Variants in CDT1 observed in about 807,000 individuals in gnomAD.
CDT1 encodes chromatin licensing and DNA replication factor 1.
CDT1 carries 66 observed loss-of-function variants against 49.3 expected under a neutral mutation model. The observed-to-expected ratio is 1.34, with a 90% CI of 1.10 to 1.64. The LOEUF (loss-of-function observed/expected upper bound fraction) is 1.64. CDT1 is among the 40% of genes most tolerant of loss of function. The pLI is 0.00. For missense variants in CDT1, 958 were observed against 807.7 expected (o/e 1.19, Z -2.26); for synonymous variants, 424 against 347.4 (o/e 1.22, Z -2.45).
At position 88,808,462 on chromosome 16, in the gene CDT1, T is replaced by A; in HGVS notation, c.*184T>A. The A allele has an allele frequency of 1.6e-6, 1 of 644,534 alleles. No individual in the cohort carries two copies. Among genetic ancestry groups the A allele is most frequent in the Non-Finnish European group, 2.6e-6 (1 of 378,280 alleles). 39.9% of individuals were successfully genotyped at this position (644,534 alleles called of 1,614,324 possible). A position where few individuals can be genotyped will look rare whatever the true frequency, so the allele number is the denominator to read the frequency against. Reference sequence around the variant, plus strand: ...TCTCTGGCTGCGGGCGGTGGGCCCCTTCATGGGGCTCACCTGGTGGATTCA... The same window carrying A: ...TCTCTGGCTGCGGGCGGTGGGCCCCATCATGGGGCTCACCTGGTGGATTCA... On this transcript the variant is annotated 3_prime_UTR_variant, in exon 10 of 10. Transcript: ENST00000301019.
rs555260168 is a variant in CDT1, at chr16:88,807,306, A to C, written c.1301A>C (p.Gln434Pro). The change falls in exon 9 of 10, where the codon CAG becomes CCG. Residue 434 changes from glutamine (Q) to proline (P), a missense_variant. Gln to Pro is a moderately conservative substitution (Grantham distance 76). Transcript: ENST00000301019. Reference protein sequence around the residue: ...ERIRAKEAQKQLAQMTRCPEQ... With the variant: ...ERIRAKEAQKPLAQMTRCPEQ... ...ATCCGAGCCAAGGAGGCACAGAAGCAGCTGGCACAGATGACGCGGTGCCCG... is the reference window on the plus strand; with the variant it reads ...ATCCGAGCCAAGGAGGCACAGAAGCCGCTGGCACAGATGACGCGGTGCCCG... 132 of 1,612,486 alleles carry C rather than the reference A, an allele frequency of 8.2e-5. No homozygotes were observed. The South Asian group carries it at 1.4e-3, about 17-fold the overall frequency.
rs77893539 is a variant in CDT1, at chr16:88,808,218, G to C, written c.1581G>C (p.Ala527=). The C allele has an allele frequency of 6.2e-7, 1 of 1,610,676 alleles. No homozygotes were observed. The highest frequency in any genetic ancestry group is 2.2e-5 in the East Asian group (1 of 44,840). Residue 527 remains alanine, a synonymous_variant, in exon 10 of 10, where the codon GCG becomes GCC. Coordinates refer to ENST00000301019, the MANE Select transcript of CDT1 (RefSeq NM_030928.4). ...CCTACGTCAAGCTGGACAAGGCCGC[G>C]GACCTCGCCCACATCACTGCACGCC... ...TDTYVKLDKA[A]DLAHITARLA...
At position 88,807,318 on chromosome 16, in the gene CDT1, T is replaced by C. The variant is rs1011702939; in HGVS notation, c.1313T>C (p.Met438Thr). The C allele has an allele frequency of 5.6e-6, 9 of 1,612,430 alleles. No homozygotes were observed. The highest frequency in any genetic ancestry group is 1.1e-5 in the South Asian group (1 of 91,092). The stretch of plus-strand genomic sequence containing the variant: ...GAGGCACAGAAGCAGCTGGCACAGA[T>C]GACGCGGTGCCCGGAGCAGGAGCAG... ...AKEAQKQLAQMTRCPEQEQRL... is the reference protein window; with the variant it reads ...AKEAQKQLAQTTRCPEQEQRL... Residue 438 changes from methionine to threonine, a missense_variant, in exon 9 of 10, where the codon ATG (methionine) becomes ACG (threonine). Physicochemically the swap from Met to Thr is moderately conservative, Grantham distance 81. Transcript: ENST00000301019.
At position 88,804,609 on chromosome 16, in the gene CDT1, TAAAG is replaced by T. The variant is rs1908775962; in HGVS notation, c.297_300del (p.Lys99AsnfsTer12). 5 of 1,612,602 alleles carry T rather than the reference TAAAG, an allele frequency of 3.1e-6. No individual in the cohort carries two copies. The highest frequency in any genetic ancestry group is 2.2e-5 in the South Asian group (2 of 91,082). ...GCCTGCCCTTCTCCGGGCCAGAAGA[TAAAG>T]AAATCCACCCCGGCAGCAGGTCAGC... On this transcript the variant is annotated frameshift_variant, in exon 2 of 10. Coordinates refer to ENST00000301019, the MANE Select transcript of CDT1 (RefSeq NM_030928.4). LOFTEE classifies it high-confidence loss of function.
chr16:88,804,709 GTGCCGGCCTGCCTGCC>G, intron 2 of CDT1, 37 bp from the exon 3 acceptor site: 7 of 1,612,190 alleles, frequency 4.3e-6, no homozygotes, highest in Non-Finnish European at 5.1e-6. Flanking sequence ...GGGCTGAGTG[GTGCCGGCCTGCCTGCC>G]TGCCTGACGG....
chr16:88,804,983 G>C, intron 3 of CDT1, 85 bp downstream of exon 3: 1 of 1,493,984 alleles, frequency 6.7e-7, no homozygotes, highest in Non-Finnish European at 8.9e-7. Context: ...CAGAGGCCCA[G>C]GTCTGCTCCT....
rs139052420 is a variant in CDT1, at chr16:88,807,353, C to T, written c.1348C>T (p.Arg450Cys). ...RCPEQEQRLQ[R>C]LERLPELARV... The stretch of plus-strand genomic sequence containing the variant: ...CCCGGAGCAGGAGCAGCGGCTGCAG[C>T]GCTTAGAACGGCTGCCTGAGCTGGC... The change falls in exon 9 of 10, where the codon CGC (arginine) becomes TGC (cysteine). Residue 450 changes from arginine (R) to cysteine (C), a missense_variant. Physicochemically the swap from Arg to Cys is radical, Grantham distance 180 (BLOSUM62 -3). Transcript: ENST00000301019. 1.8e-4 allele frequency: 289 copies of T among 1,612,508 alleles called. No homozygotes were observed. The highest frequency in any genetic ancestry group is 5.5e-4 in the South Asian group (50 of 91,084).
intron 3 of CDT1, among the ~76,000 whole-genome samples, chr16:88,805,118 C>G (rs1348656846): frequency 6.6e-6 from 1 of 152,250 alleles, no homozygotes; most frequent in Admixed American, 6.5e-5. Context: ...CTCGGGGACT[C>G]TGGCAGGTTT....
Position 88,803,965 on chromosome 16 carries a change from G to C in CDT1, c.134G>C (p.Ser45Thr), listed in dbSNP as rs1349999626. ...CTCCGCGCCCCGGCCTCCGCTACCAGTGGCAGCCGCAAGCGCGCCCGCCCG... is the reference window on the plus strand; with the variant it reads ...CTCCGCGCCCCGGCCTCCGCTACCACTGGCAGCCGCAAGCGCGCCCGCCCG... Reference protein sequence around the residue: ...PALRAPASATSGSRKRARPPA... With the variant: ...PALRAPASATTGSRKRARPPA... The change falls in exon 1 of 10, where the codon AGT becomes ACT. Residue 45 changes from serine to threonine, a missense_variant. Ser to Thr is a moderately conservative substitution (Grantham distance 58). Coordinates refer to ENST00000301019, the MANE Select transcript of CDT1 (RefSeq NM_030928.4). 2 of 1,432,360 alleles carry C rather than the reference G, an allele frequency of 1.4e-6. No homozygotes were observed. The highest frequency in any genetic ancestry group is 3.1e-5 in the East Asian group (1 of 32,274). 88.7% of individuals were successfully genotyped at this position (1,432,360 alleles called of 1,614,324 possible).
In CDT1 at chr16:88,805,141, A is replaced by G. The variant is rs562626242; in HGVS notation, c.488+243A>G. Among the ~76,000 whole-genome samples the G allele has an allele frequency of 1.4e-4, 22 of 152,300 alleles. No individual in the cohort carries two copies. The East Asian group carries it at 3.7e-3, about 25-fold the overall frequency. ...CTCTGGCAGGTTTCAAATGCTCCTG[A>G]TGCATTGGTGTGTTGTCTGCCTCTG... is the stretch of plus-strand genomic sequence containing the variant. On this transcript the variant is annotated intron_variant, in intron 3 of 9. Coordinates refer to ENST00000301019, the MANE Select transcript of CDT1 (RefSeq NM_030928.4).
At position 88,806,638 on chromosome 16, in the gene CDT1, G is replaced by T; in HGVS notation, c.1086G>T (p.Glu362Asp). 4.3e-6 allele frequency: 7 copies of T among 1,611,356 alleles called. No individual in the cohort carries two copies. Among genetic ancestry groups the T allele is most frequent in the South Asian group, 1.1e-5 (1 of 90,880 alleles). Residue 362 changes from glutamate (E) to aspartate (D), a missense_variant, in exon 7 of 10, where the codon GAG becomes GAT. Physicochemically the swap from Glu to Asp is conservative, Grantham distance 45. Transcript: ENST00000301019. ...CGGAGAAGCTCACCACTGCTCAGGA[G>T]GTGCTGGCCCGGGCCCGCAACCTGA... The part of the protein sequence containing the change: ...PATEKLTTAQ[E>D]VLARARNLIS...
At chr16:88,805,385 G>T in intron 3 of CDT1, 55 bp from the exon 4 acceptor site, 1 of 1,600,420 alleles carries the variant, frequency 6.2e-7, no homozygotes, top group South Asian at 1.1e-5. Context: ...GCCTGCTGTG[G>T]CGTTGGAGGG....
In CDT1 at chr16:88,804,904, T is replaced by C. The variant is rs771090627; in HGVS notation, c.488+6T>C. On this transcript the variant is annotated splice_donor_region_variant and intron_variant, in intron 3 of 9. Transcript: ENST00000301019. ...GGCCGCCCTGAGGAGCCATGGTGAG[T>C]GCTGGGTGGGCGGCCACGAGGCCCC... 3.7e-5 allele frequency: 58 copies of C among 1,556,974 alleles called. No individual in the cohort carries two copies. Among genetic ancestry groups the C allele is most frequent in the African/African-American group, 1.8e-4 (13 of 73,338 alleles).
Position 88,808,280 on chromosome 16 carries a change from C to T in CDT1, c.*2C>T, listed in dbSNP as rs1567503231. ...ACACGTGCTGAGGAGGGGCTGTGAG[C>T]CTGGGGGCCACTGTGGACAGACGTG... On this transcript the variant is annotated 3_prime_UTR_variant, in exon 10 of 10. Transcript: ENST00000301019. The T allele has an allele frequency of 6.3e-7, 1 of 1,582,228 alleles. No homozygotes were observed. The highest frequency in any genetic ancestry group is 2.3e-5 in the East Asian group (1 of 43,458).
Position 88,808,134 on chromosome 16 carries a change from G to A in CDT1, c.1497G>A (p.Leu499=). 1 of 1,612,720 alleles carries A rather than the reference G, an allele frequency of 6.2e-7. No homozygotes were observed. Among genetic ancestry groups the A allele is most frequent in the South Asian group, 1.1e-5 (1 of 91,016 alleles). The change falls in exon 10 of 10, where the codon CTG becomes CTA. Residue 499 remains leucine (L), a synonymous_variant. Coordinates refer to ENST00000301019, the MANE Select transcript of CDT1 (RefSeq NM_030928.4). ...CCCCAGGGGAAATGGAGAAGCACCT[G>A]CTGCTCCTCTCCGAGCTGCTGCCGG... The part of the protein sequence containing the change: ...IMSPGEMEKH[L]LLLSELLPDW...
At chr16:88,804,207 G>A in intron 1 of CDT1, 148 bp downstream of exon 1, 1 of 671,910 alleles carries the variant, frequency 1.5e-6, no homozygotes, top group South Asian at 2.6e-5. Flanking sequence ...GGACAGGCCG[G>A]GGGATCCTGG....
chr16:88,805,980 G>C lies in CDT1; in HGVS notation c.833-41G>C, dbSNP rs759948991. 2.5e-5 allele frequency: 39 copies of C among 1,576,316 alleles called. No homozygotes were observed. The Middle Eastern group carries it at 2.2e-3, about 90-fold the overall frequency. On this transcript the variant is annotated intron_variant, in intron 5 of 9. Transcript: ENST00000301019. ...CAGGACTGGTCACGGGTGGGTGGCT[G>C]GGTGGCCTGGTGGGGACTTAGGCCT...
chr16:88,808,466 TG>T lies in CDT1; in HGVS notation c.*192del. 1.6e-6 allele frequency: 1 copy of T among 638,356 alleles called. No homozygotes were observed. Among genetic ancestry groups the T allele is most frequent in the South Asian group, 2.0e-5 (1 of 50,826 alleles). 39.5% of individuals were successfully genotyped at this position (638,356 alleles called of 1,614,324 possible). ...TGGCTGCGGGCGGTGGGCCCCTTCATGGGGCTCACCTGGTGGATTCACATTA... is the reference window on the plus strand; with the variant it reads ...TGGCTGCGGGCGGTGGGCCCCTTCATGGGCTCACCTGGTGGATTCACATTA... On this transcript the variant is annotated 3_prime_UTR_variant, in exon 10 of 10. Transcript: ENST00000301019.
In CDT1 at chr16:88,808,204, C is replaced by G. The variant is rs1448295739; in HGVS notation, c.1567C>G (p.Leu523Val). Residue 523 changes from leucine to valine, a missense_variant, in exon 10 of 10, where the codon CTG becomes GTG. By Grantham distance (32) the Leu-to-Val change is conservative. Coordinates refer to ENST00000301019, the MANE Select transcript of CDT1 (RefSeq NM_030928.4). ...HRIRTDTYVK[L>V]DKAADLAHIT... is the part of the protein sequence containing the mutation. ...CATCCGCACCGACACCTACGTCAAG[C>G]TGGACAAGGCCGCGGACCTCGCCCA... The G allele has an allele frequency of 1.2e-6, 2 of 1,612,356 alleles. No individual in the cohort carries two copies. Among genetic ancestry groups the G allele is most frequent in the East Asian group, 4.5e-5 (2 of 44,876 alleles).
Sources: allele counts gnomAD v4.1 joint callset (sites outside exome capture counted in the v4.1 genomes callset), GRCh38; gene constraint gnomAD v4.1.1; transcripts MANE v1.5; gene names NCBI Gene and HGNC (gene_info 2026-07-23, HGNC 2026-07-21).